CHODL: variants seen among roughly 807,000 people sequenced by gnomAD.
CHODL encodes chondrolectin, also known as transmembrane protein MT75.
Under a neutral mutation model 34.5 loss-of-function variants are expected in CHODL, and 29 were observed. That is an observed-to-expected ratio of 0.84 (90% CI 0.63 to 1.15). The LOEUF is 1.15. Ranked by LOEUF, CHODL falls within the 50% of genes most tolerant of loss-of-function variation. The pLI is 0.00. For synonymous variants in CHODL, 125 were observed against 116.1 expected (o/e 1.08, Z -0.49); for missense variants, 332 against 332.5 (o/e 1.00, Z 0.01).
intron 2 of CHODL, among the ~76,000 whole-genome samples, chr21:18,180,377 T>A (rs908396316): frequency 8.5e-5 from 13 of 152,110 alleles, no homozygotes; most frequent in African/African-American, 2.4e-4. Flanking sequence ...ACACGTGGGC[T>A]CAAGCAATCC....
intron 2 of CHODL, among the ~76,000 whole-genome samples, chr21:18,029,237 C>T (rs2064219348): frequency 6.6e-6 from 1 of 152,112 alleles, no homozygotes; most frequent in Admixed American, 6.6e-5. Flanking sequence ...ATCAGTCAGA[C>T]TCTAGGCAAT....
intron 1 of CHODL, among the ~76,000 whole-genome samples, chr21:18,025,808 T>C (rs1177779779): frequency 6.6e-6 from 1 of 152,112 alleles, no homozygotes; most frequent in Non-Finnish European, 1.5e-5. Flanking sequence ...TCCCTTCATC[T>C]TCCACGGTCT....
chr21:18,214,436 C>A (rs541324975), intron 2 of CHODL, among the ~76,000 whole-genome samples: 2 of 151,972 alleles, frequency 1.3e-5, no homozygotes, highest in Non-Finnish European at 2.9e-5. Flanking sequence ...TAGCACCTAG[C>A]GAAATTCTTC....
chr21:17,996,486 T>C lies in CHODL; in HGVS notation c.-144-31386T>C, dbSNP rs73323271. On this transcript the variant is annotated intron_variant, in intron 1 of 6. Coordinates refer to the CHODL transcript ENST00000400127. ...GTGGGTTAACAACTGCTCAGTCTAG[T>C]GAAGAAGGCAGCCAAATATATGAAG... Among the ~76,000 whole-genome samples, 951 of 152,236 alleles carry C rather than the reference T, an allele frequency of 6.2e-3. 7 individuals carry two copies. The highest frequency in any genetic ancestry group is 0.022 in the African/African-American group (907 of 41,540).
At chr21:18,223,700 C>T (rs2073905345) in intron 2 of CHODL, among the ~76,000 whole-genome samples, 1 of 151,836 alleles carries the variant, frequency 6.6e-6, no homozygotes. Flanking sequence ...CACCAAATGG[C>T]ATAATTAAAA....
At chr21:17,984,664 A>G (rs192402359) in intron 1 of CHODL, among the ~76,000 whole-genome samples, 2 of 151,780 alleles carry the variant, frequency 1.3e-5, no homozygotes, top group Admixed American at 1.3e-4. Context: ...CTTTTTCTTT[A>G]TGGATTTTGC....
Position 18,189,604 on chromosome 21 carries a change from T to A in CHODL, c.-44-66905T>A, listed in dbSNP as rs773178550. ...CTTTGCACAACCTACCCTATGCACTTCAGATCAACTAATAGAAGTGGGCAA... is the reference window on the plus strand; with the variant it reads ...CTTTGCACAACCTACCCTATGCACTACAGATCAACTAATAGAAGTGGGCAA... On this transcript the variant is annotated intron_variant, in intron 2 of 6. Transcript: ENST00000400127. 3.3e-5 allele frequency among the ~76,000 whole-genome samples: 5 copies of A among 151,658 alleles called. No individual in the cohort carries two copies. The South Asian group carries it at 1.0e-3, about 32-fold the overall frequency.
chr21:18,054,140 T>G (rs2064550725), intron 2 of CHODL, among the ~76,000 whole-genome samples: 1 of 151,896 alleles, frequency 6.6e-6, no homozygotes, highest in African/African-American at 2.4e-5. Context: ...TCTGCTATGT[T>G]TATACATCCA....
chr21:18,241,760 T>C (rs755243370), upstream of CHODL, among the ~76,000 whole-genome samples: 12 of 152,234 alleles, frequency 7.9e-5, no homozygotes, highest in Non-Finnish European at 1.5e-4. Context: ...GATTCCATAG[T>C]ATACCCTTAA....
intron 2 of CHODL, among the ~76,000 whole-genome samples, chr21:18,104,073 A>G (rs550601030): frequency 6.6e-6 from 1 of 152,314 alleles, no homozygotes; most frequent in African/African-American, 2.4e-5. Context: ...TTCATGTATA[A>G]GGAAATCATA....
chr21:17,935,591 T>C (rs1181137052), intron 1 of CHODL, among the ~76,000 whole-genome samples: 1 of 152,252 alleles, frequency 6.6e-6, no homozygotes, highest in Non-Finnish European at 1.5e-5. Context: ...TCAAGAATTA[T>C]CTTTTTTAAC....
intron 1 of CHODL, among the ~76,000 whole-genome samples, chr21:17,936,802 G>A (rs1267821718): frequency 6.6e-6 from 1 of 152,196 alleles, no homozygotes; most frequent in Non-Finnish European, 1.5e-5. Flanking sequence ...AGGGCCGGGC[G>A]TGGTGGCTCA....
intron 2 of CHODL, among the ~76,000 whole-genome samples, chr21:18,090,838 A>G (rs1254166707): frequency 6.6e-6 from 1 of 152,120 alleles, no homozygotes; most frequent in African/African-American, 2.4e-5. Context: ...ATGGAACACC[A>G]AATTTTAACA....
chr21:18,159,201 C>G (rs953549592), intron 2 of CHODL, among the ~76,000 whole-genome samples: 1 of 152,118 alleles, frequency 6.6e-6, no homozygotes, highest in Non-Finnish European at 1.5e-5. Context: ...AAAGGCCTCC[C>G]GCCAACAAAG....
chr21:18,133,206 T>C (rs1363101309), intron 2 of CHODL, among the ~76,000 whole-genome samples: 1 of 152,198 alleles, frequency 6.6e-6, no homozygotes, highest in Non-Finnish European at 1.5e-5. Flanking sequence ...GCCCTTTGTG[T>C]GCAATCCCTT....
intron 2 of CHODL, among the ~76,000 whole-genome samples, chr21:18,205,591 T>C (rs867233844): frequency 6.6e-6 from 1 of 152,200 alleles, no homozygotes; most frequent in African/African-American, 2.4e-5. Flanking sequence ...TTGATGTAGA[T>C]GCTTATAGCA....
intron 1 of CHODL, among the ~76,000 whole-genome samples, chr21:17,975,412 C>T (rs1057214244): frequency 4.6e-5 from 7 of 152,124 alleles, no homozygotes; most frequent in Non-Finnish European, 8.8e-5. Context: ...ATATAACAAA[C>T]CTGCACATGT....
chr21:18,074,815 G>A (rs2146504759), intron 2 of CHODL, among the ~76,000 whole-genome samples: 1 of 152,272 alleles, frequency 6.6e-6, no homozygotes, highest in South Asian at 2.1e-4. Flanking sequence ...GATTAAAAAT[G>A]TTGCTGATTG....
At chr21:18,200,466 T>C (rs1255466407) in intron 2 of CHODL, among the ~76,000 whole-genome samples, 2 of 152,224 alleles carry the variant, frequency 1.3e-5, no homozygotes, top group Non-Finnish European at 1.5e-5. Context: ...TTTATCCCGT[T>C]AGAAATATAA....
Sources: gnomAD v4.1 joint callset for allele counts (sites outside exome capture counted in the v4.1 genomes callset) on GRCh38, gnomAD v4.1.1 for gene constraint, MANE v1.5 for transcripts, NCBI Gene and HGNC (gene_info 2026-07-23, HGNC 2026-07-21) for gene names.